The following CSF2RB variants were observed in gnomAD, a reference collection of about 807,000 sequenced individuals.
CSF2RB encodes colony stimulating factor 2 receptor subunit beta, also known as cytokine receptor common subunit beta.
Under a neutral mutation model 67.2 loss-of-function variants are expected in CSF2RB, and 22 were observed. The ratio of observed to expected loss-of-function variants is 0.33; its 90% CI spans 0.23 to 0.47. The LOEUF is 0.47. Ranked by LOEUF, CSF2RB falls within the 20% of genes least tolerant of loss-of-function variation. The pLI is 1.00. For missense variants in CSF2RB, 1,113 were observed against 1,174.5 expected (o/e 0.95, Z 0.76); for synonymous variants, 507 against 482.9 (o/e 1.05, Z -0.65).
chr22:36,936,494 G>GC (rs1194486861), intron 12 of CSF2RB, 55 bp from the exon 13 acceptor site: 1 of 1,482,230 alleles, frequency 6.7e-7, no homozygotes, highest in African/African-American at 1.4e-5. Flanking sequence ...CCTCTGCCTT[G>GC]CCCCCACCTC....
At chr22:36,914,070 C>T (rs1004636018) in intron 1 of CSF2RB, among the ~76,000 whole-genome samples, 3 of 152,232 alleles carry the variant, frequency 2.0e-5, no homozygotes, top group African/African-American at 7.2e-5. Context: ...AGAGCACCCC[C>T]TGTCCACCCT....
At chr22:36,922,918 G>A (rs554327829) in intron 2 of CSF2RB, among the ~76,000 whole-genome samples, 1 of 151,948 alleles carries the variant, frequency 6.6e-6, no homozygotes, top group Non-Finnish European at 1.5e-5. Flanking sequence ...CTGCACAGTC[G>A]GTCCAGGGGC....
Position 36,929,441 on chromosome 22 carries a change from A to AC in CSF2RB, c.433dup (p.Gln145ProfsTer28). 1 of 1,614,162 alleles carries AC rather than the reference A, an allele frequency of 6.2e-7. No homozygotes were observed. Among genetic ancestry groups the AC allele is most frequent in the Non-Finnish European group, 8.5e-7 (1 of 1,180,020 alleles). ...CCCAGGGACCTGCAGATCAGCACCG[A>AC]CCAGGACCACTTCCTGCTGACCTGG... On this transcript the variant is annotated frameshift_variant, in exon 5 of 14. Transcript: ENST00000403662. LOFTEE classifies it high-confidence loss of function.
chr22:36,922,598 C>T, intron 2 of CSF2RB: 1 of 518,780 alleles, frequency 1.9e-6, no homozygotes, highest in Non-Finnish European at 3.5e-6. Context: ...AGCAGACACT[C>T]TCTGTGCCTC....
intron 3 of CSF2RB, among the ~76,000 whole-genome samples, chr22:36,924,208 C>G (rs1280691226): frequency 6.6e-6 from 1 of 151,414 alleles, no homozygotes; most frequent in Non-Finnish European, 1.5e-5. Context: ...TGACCTGCTT[C>G]CTGCTGCTCT....
intron 1 of CSF2RB, among the ~76,000 whole-genome samples, chr22:36,919,118 T>A (rs1191205646): frequency 6.6e-6 from 1 of 152,220 alleles, no homozygotes; most frequent in Non-Finnish European, 1.5e-5. Context: ...ATAGACCTTT[T>A]TATTCTGTGT....
In CSF2RB at chr22:36,933,855, G is replaced by A. The variant is rs1265321834; in HGVS notation, c.1176G>A (p.Gln392=). 1.2e-6 allele frequency: 2 copies of A among 1,609,724 alleles called. No homozygotes were observed. Among genetic ancestry groups the A allele is most frequent in the Non-Finnish European group, 1.7e-6 (2 of 1,179,770 alleles). The change falls in exon 10 of 14, where the codon CAG becomes CAA. Residue 392 remains glutamine, a synonymous_variant. Transcript: ENST00000403662. ...TWKDSKTETL[Q]NAHSMALPAL... ...AGGACAGCAAGACCGAGACCCTCCAGAACGCCCACAGCATGGCCCTGCCAG... is the reference window on the plus strand; with the variant it reads ...AGGACAGCAAGACCGAGACCCTCCAAAACGCCCACAGCATGGCCCTGCCAG...
Position 36,938,142 on chromosome 22 carries a change from G to T in CSF2RB, c.2334G>T (p.Arg778Ser), listed in dbSNP as rs779447444. 6.2e-7 allele frequency: 1 copy of T among 1,614,074 alleles called. No homozygotes were observed. The highest frequency in any genetic ancestry group is 1.1e-5 in the South Asian group (1 of 91,082). Residue 778 changes from arginine to serine, a missense_variant, in exon 14 of 14, where the codon AGG (arginine) becomes AGT (serine). By Grantham distance (110) the Arg-to-Ser change is moderately radical. Coordinates refer to ENST00000403662, the MANE Select transcript of CSF2RB (RefSeq NM_000395.3). Reference sequence around the variant, plus strand: ...CTCCAATTGAGGGCCGGTCCCCCAGGTCACCAAGGAACAATCCTGTCCCCC... The same window carrying T: ...CTCCAATTGAGGGCCGGTCCCCCAGTTCACCAAGGAACAATCCTGTCCCCC... ...ELPPIEGRSP[R>S]SPRNNPVPPE...
chr22:36,928,483 C>G (rs1941073989), intron 4 of CSF2RB, among the ~76,000 whole-genome samples: 1 of 152,152 alleles, frequency 6.6e-6, no homozygotes, highest in Admixed American at 6.5e-5. Context: ...TCCTGACATG[C>G]TCTAGCATGC....
Position 36,926,162 on chromosome 22 carries a change from A to C in CSF2RB, c.376A>C (p.Thr126Pro), listed in dbSNP as rs1435935801. The change falls in exon 4 of 14, where the codon ACT becomes CCT. Residue 126 changes from threonine to proline, a missense_variant. Thr to Pro is a conservative substitution (Grantham distance 38). This residue lies in a region of CSF2RB where 559 missense variants were observed against 656.5 expected (regional missense o/e 0.85). Coordinates refer to ENST00000403662, the MANE Select transcript of CSF2RB (RefSeq NM_000395.3). Reference sequence around the variant, plus strand: ...GCCTCTGGGCACCCGGCTCACCGTCACTCTGACCCAGCATGGTGAGGGGCT... The same window carrying C: ...GCCTCTGGGCACCCGGCTCACCGTCCCTCTGACCCAGCATGGTGAGGGGCT... ...DRPLGTRLTV[T>P]LTQHVQPPEP... 3.1e-6 allele frequency: 5 copies of C among 1,613,936 alleles called. No individual in the cohort carries two copies. The highest frequency in any genetic ancestry group is 4.2e-6 in the Non-Finnish European group (5 of 1,180,012).
At chr22:36,914,220 G>A (rs1432372548) in intron 1 of CSF2RB, among the ~76,000 whole-genome samples, 6 of 152,190 alleles carry the variant, frequency 3.9e-5, no homozygotes, top group Admixed American at 6.5e-5. Context: ...GTGCATGTGC[G>A]GATGTCTGGG....
chr22:36,936,382 G>A (rs1941266160), intron 12 of CSF2RB, among the ~76,000 whole-genome samples, 167 bp from the exon 13 acceptor site: 1 of 152,126 alleles, frequency 6.6e-6, no homozygotes, highest in Non-Finnish European at 1.5e-5. Flanking sequence ...GCCCCTCTCT[G>A]GGCCTCACTT....
intron 1 of CSF2RB, among the ~76,000 whole-genome samples, chr22:36,919,018 G>A (rs1486456241): frequency 1.3e-5 from 2 of 152,148 alleles, no homozygotes; most frequent in African/African-American, 4.8e-5. Context: ...AGCCTTTTTT[G>A]GAAGACATAC....
At chr22:36,924,076 C>T (rs1214137294) in intron 3 of CSF2RB, among the ~76,000 whole-genome samples, 1 of 152,108 alleles carries the variant, frequency 6.6e-6, no homozygotes, top group Admixed American at 6.5e-5. Context: ...CATTGGAGGT[C>T]ACCCCAGCGT....
chr22:36,927,226 T>C (rs1358239115), intron 4 of CSF2RB, among the ~76,000 whole-genome samples: 6 of 152,236 alleles, frequency 3.9e-5, no homozygotes, highest in African/African-American at 1.4e-4. Context: ...CAGGAGTCCA[T>C]CAGAAGCAAC....
Position 36,932,814 on chromosome 22 carries a change from C to T in CSF2RB, c.1062C>T (p.Tyr354=), listed in dbSNP as rs1009945139. The T allele has an allele frequency of 4.3e-6, 7 of 1,613,982 alleles. No homozygotes were observed. Among genetic ancestry groups the T allele is most frequent in the African/African-American group, 1.3e-5 (1 of 74,940 alleles). The part of the protein sequence containing the change: ...SLNVTKDGDS[Y]SLRWETMKMR... The stretch of plus-strand genomic sequence containing the variant: ...ACGTGACCAAGGATGGAGACAGCTA[C>T]AGCCTGCGCTGGGAAACAATGAAAA... The change falls in exon 9 of 14, where the codon TAC becomes TAT. Residue 354 remains tyrosine (Y), a synonymous_variant. Coordinates refer to ENST00000403662, the MANE Select transcript of CSF2RB (RefSeq NM_000395.3).
chr22:36,930,203 T>C (rs1941118059), intron 6 of CSF2RB, among the ~76,000 whole-genome samples, 172 bp from the exon 7 acceptor site: 1 of 152,094 alleles, frequency 6.6e-6, no homozygotes, highest in Admixed American at 6.5e-5. Context: ...ACTCTCTCTC[T>C]CTCTCTCGGA....
chr22:36,927,561 G>T (rs2145799086), intron 4 of CSF2RB, among the ~76,000 whole-genome samples: 1 of 152,274 alleles, frequency 6.6e-6, no homozygotes, highest in East Asian at 1.9e-4. Context: ...GCTCACCATT[G>T]TGTCCAGGGA....
intron 9 of CSF2RB, 90 bp downstream of exon 9, chr22:36,932,994 G>A (rs1838600727): frequency 2.0e-6 from 3 of 1,530,658 alleles, no homozygotes; most frequent in Non-Finnish European, 2.7e-6. Context: ...AAGGCGTCGG[G>A]CCCTTGGCAG....
Sources: gnomAD v4.1 joint callset for allele counts (sites outside exome capture counted in the v4.1 genomes callset) on GRCh38, gnomAD v4.1.1 for gene constraint, gnomAD v4.1.1 regional missense constraint, MANE v1.5 for transcripts, NCBI Gene and HGNC (gene_info 2026-07-23, HGNC 2026-07-21) for gene names.